The following VPS13B variants were observed in gnomAD, a reference collection of about 807,000 sequenced individuals.
VPS13B encodes the protein intermembrane lipid transfer protein VPS13B.
In VPS13B, 285 loss-of-function variants were observed where a neutral mutation model predicts 426.4. The observed-to-expected ratio is 0.67, with a 90% confidence interval of 0.61 to 0.74. The LOEUF (loss-of-function observed/expected upper bound fraction) is 0.74. VPS13B is among the 30% of genes least tolerant of loss of function. The pLI, the probability that VPS13B is intolerant of heterozygous loss-of-function variation, is 0.00. For missense variants in VPS13B, 4,537 were observed against 4,782.6 expected, an observed-to-expected ratio of 0.95 and a Z score of 1.51; for synonymous variants, 1,676 against 1,676.4, an observed-to-expected ratio of 1.00 and a Z score of 0.01.
At chr8:99,600,806 A>G (rs1043549724) in intron 33 of VPS13B, among the ~76,000 whole-genome samples, 1 of 152,074 alleles carries the variant, frequency 6.6e-6, no homozygotes, top group Admixed American at 6.5e-5. Context: ...TTCTGTTTAC[A>G]TGTTTGCTTG....
Position 99,314,846 on chromosome 8 carries a change from C to T in VPS13B, c.2824+39592C>T, listed in dbSNP as rs955905157. On this transcript the variant is annotated intron_variant, in intron 19 of 61. Transcript: ENST00000357162. ...TTAGAATTGTTAAATAATGTATCCTCTTGCTGAACTGATCCCCTTATTATT... is the reference window on the plus strand; with the variant it reads ...TTAGAATTGTTAAATAATGTATCCTTTTGCTGAACTGATCCCCTTATTATT... 3.3e-5 allele frequency among the ~76,000 whole-genome samples: 5 copies of T among 152,322 alleles called. No homozygotes were observed. In the South Asian group the frequency reaches 6.2e-4, roughly 19 times the overall value.
chr8:99,369,019 T>C (rs905892416), intron 19 of VPS13B, among the ~76,000 whole-genome samples: 1 of 152,226 alleles, frequency 6.6e-6, no homozygotes, highest in African/African-American at 2.4e-5. Context: ...GCAGAATCCT[T>C]CTCCTTCTTT....
At chr8:99,720,788 T>C in intron 38 of VPS13B, 75 bp from the exon 39 acceptor site, 1 of 1,387,122 alleles carries the variant, frequency 7.2e-7, no homozygotes. Context: ...TCTCATAATT[T>C]CTTCTTCCTT....
intron 39 of VPS13B, among the ~76,000 whole-genome samples, chr8:99,753,158 T>G (rs990501867): frequency 6.6e-6 from 1 of 152,220 alleles, no homozygotes; most frequent in Non-Finnish European, 1.5e-5. Flanking sequence ...GTATGCATTT[T>G]AAAATATTAG....
At chr8:99,522,039 T>G (rs1822401768) in intron 30 of VPS13B, among the ~76,000 whole-genome samples, 1 of 152,142 alleles carries the variant, frequency 6.6e-6, no homozygotes, top group African/African-American at 2.4e-5. Flanking sequence ...AGAAAGCGTC[T>G]TTAGGAATTA....
At chr8:99,560,690 C>G (rs183201539) in intron 31 of VPS13B, among the ~76,000 whole-genome samples, 40 of 152,276 alleles carry the variant, frequency 2.6e-4, no homozygotes, top group Admixed American at 2.4e-3. Flanking sequence ...TGCATGGCAG[C>G]TGGGAAGTGA....
chr8:99,130,754 A>G (rs1809741981), intron 8 of VPS13B, among the ~76,000 whole-genome samples: 1 of 152,198 alleles, frequency 6.6e-6, no homozygotes, highest in Admixed American at 6.5e-5. Flanking sequence ...ATCAATTTAA[A>G]AAAATTCAAG....
chr8:99,862,067 A>G, intron 58 of VPS13B, 121 bp downstream of exon 58: 1 of 1,235,938 alleles, frequency 8.1e-7, no homozygotes, highest in Non-Finnish European at 1.1e-6. Context: ...AGAGAAGGTA[A>G]GGCACTTGCT....
intron 39 of VPS13B, among the ~76,000 whole-genome samples, chr8:99,742,856 C>G (rs1375588579): frequency 6.6e-6 from 1 of 152,140 alleles, no homozygotes; most frequent in Non-Finnish European, 1.5e-5. Context: ...ATGACAAACC[C>G]ACAGCCAATA....
At chr8:99,070,860 A>T (rs1563520663) in intron 3 of VPS13B, among the ~76,000 whole-genome samples, 2 of 151,868 alleles carry the variant, frequency 1.3e-5, no homozygotes, top group African/African-American at 2.4e-5. Context: ...CTGCTTGATT[A>T]ATTTTGCCAT....
intron 40 of VPS13B, among the ~76,000 whole-genome samples, chr8:99,771,966 A>G (rs1811519540): frequency 6.6e-6 from 1 of 152,166 alleles, no homozygotes; most frequent in Non-Finnish European, 1.5e-5. Flanking sequence ...GAATGGAAGG[A>G]ATACTTACAT....
At chr8:99,448,933 A>G (rs1818055953) in intron 23 of VPS13B, among the ~76,000 whole-genome samples, 1 of 151,926 alleles carries the variant, frequency 6.6e-6, no homozygotes, top group South Asian at 2.1e-4. Flanking sequence ...CTCCTATTAT[A>G]CCCCTTTCCA....
intron 30 of VPS13B, among the ~76,000 whole-genome samples, chr8:99,526,311 A>T (rs570814145): frequency 1.3e-5 from 2 of 152,208 alleles, no homozygotes; most frequent in African/African-American, 4.8e-5. Flanking sequence ...CTTATTGAGT[A>T]GTTGATTTTG....
At chr8:99,302,536 G>A (rs1167123465) in intron 19 of VPS13B, among the ~76,000 whole-genome samples, 2 of 151,808 alleles carry the variant, frequency 1.3e-5, no homozygotes, top group Non-Finnish European at 2.9e-5. Context: ...TAAAGACAGA[G>A]TTTCACTCTG....
chr8:99,200,223 A>G (rs1329508404), intron 17 of VPS13B, among the ~76,000 whole-genome samples: 1 of 152,212 alleles, frequency 6.6e-6, no homozygotes, highest in Non-Finnish European at 1.5e-5. Context: ...ATTATAGCAT[A>G]TGTCGGTGCT....
chr8:99,619,886 G>GATAATAATA (rs60817713), intron 33 of VPS13B, among the ~76,000 whole-genome samples: 158 of 146,878 alleles, frequency 1.1e-3, no homozygotes, highest in African/African-American at 3.2e-3. Context: ...AAATGATGAT[G>GATAATAATA]ATAATAATAA....
chr8:99,590,820 G>C (rs1826612887), intron 33 of VPS13B, among the ~76,000 whole-genome samples: 1 of 152,240 alleles, frequency 6.6e-6, no homozygotes, highest in South Asian at 2.1e-4. Context: ...CGGTTGATTT[G>C]GGGTGAGGAG....
At chr8:99,191,513 A>G (rs1813592374) in intron 16 of VPS13B, among the ~76,000 whole-genome samples, 2 of 149,680 alleles carry the variant, frequency 1.3e-5, no homozygotes, top group Admixed American at 1.3e-4. Context: ...GCTCCTGAGT[A>G]GCTAGGATTA....
intron 19 of VPS13B, among the ~76,000 whole-genome samples, chr8:99,319,846 C>T (rs1224068744): frequency 6.6e-6 from 1 of 152,160 alleles, no homozygotes; most frequent in Admixed American, 6.5e-5. Context: ...GATAATATCT[C>T]ACAGAGTTGT....
Sources: gnomAD v4.1 joint callset for allele counts (sites outside exome capture counted in the v4.1 genomes callset) on GRCh38, gnomAD v4.1.1 for gene constraint, MANE v1.5 for transcripts, NCBI Gene and HGNC (gene_info 2026-07-23, HGNC 2026-07-21) for gene names.